DNAH17: variants seen among roughly 807,000 people sequenced by gnomAD.
DNAH17 encodes the protein axonemal beta dynein heavy chain 17.
DNAH17 carries 376 observed loss-of-function variants against 485.6 expected under a neutral mutation model. The observed-to-expected ratio is 0.77, with a 90% CI of 0.71 to 0.84. The LOEUF (loss-of-function observed/expected upper bound fraction) is 0.84. Ranked by LOEUF, DNAH17 falls within the 40% of genes least tolerant of loss-of-function variation. The pLI, the probability that DNAH17 is intolerant of heterozygous loss-of-function variation, is 0.00. For missense variants in DNAH17, 6,370 were observed against 5,839.3 expected (o/e 1.09, Z -2.96); for synonymous variants, 3,031 against 2,405.9 (o/e 1.26, Z -7.60).
At chr17:78,561,053 G>C (rs539378613) in intron 12 of DNAH17, 118 bp from the exon 13 acceptor site, 20 of 905,892 alleles carry the variant, frequency 2.2e-5, no homozygotes, top group Non-Finnish European at 3.3e-6. Context: ...CCAATTACTC[G>C]AGGCTCACAG....
chr17:78,525,212 C>G, intron 24 of DNAH17, 51 bp from the exon 25 acceptor site: 1 of 1,585,176 alleles, frequency 6.3e-7, no homozygotes, highest in Non-Finnish European at 8.6e-7. Flanking sequence ...TCAGCGGTGC[C>G]CCACCCCACT....
At chr17:78,540,315 C>T (rs1047549851) in intron 17 of DNAH17, among the ~76,000 whole-genome samples, 4 of 144,762 alleles carry the variant, frequency 2.8e-5, no homozygotes, top group African/African-American at 1.0e-4. Flanking sequence ...CAGCAGTAGG[C>T]CTAGCACAGA....
At chr17:78,528,854 C>G (rs535939124) in intron 22 of DNAH17, among the ~76,000 whole-genome samples, 2 of 152,280 alleles carry the variant, frequency 1.3e-5, no homozygotes, top group South Asian at 4.1e-4. Flanking sequence ...CCAGGGTCCC[C>G]CTGACCTTGT....
chr17:78,544,079 G>T, intron 16 of DNAH17, 82 bp from the exon 17 acceptor site: 2 of 1,586,916 alleles, frequency 1.3e-6, no homozygotes, highest in Non-Finnish European at 1.7e-6. Flanking sequence ...TGCTTTTGAT[G>T]TGAGTTTCGT....
chr17:78,480,323 T>C (rs1007042669), intron 49 of DNAH17, among the ~76,000 whole-genome samples: 2 of 152,078 alleles, frequency 1.3e-5, no homozygotes. Flanking sequence ...CACTCCAGCC[T>C]GGGTGACAGA....
Position 78,485,768 on chromosome 17 carries a change from G to A in DNAH17, c.7276-11C>T. The A allele has an allele frequency of 6.2e-7, 1 of 1,611,654 alleles. No individual in the cohort carries two copies. Among genetic ancestry groups the A allele is most frequent in the Non-Finnish European group, 8.5e-7 (1 of 1,178,312 alleles). On this transcript the variant is annotated splice_polypyrimidine_tract_variant and intron_variant, in intron 46 of 80. Transcript: ENST00000389840. ...GTGGACCAAAGAGGCCTGGGGCAGG[G>A]GAGGGAAGGGGAGGGAGCTGTGATT...
At position 78,492,785 on chromosome 17, in the gene DNAH17, C is replaced by G. The variant is rs2089917746; in HGVS notation, c.6409-20G>C. On this transcript the variant is annotated intron_variant, in intron 41 of 80. Coordinates refer to ENST00000389840, the MANE Select transcript of DNAH17 (RefSeq NM_173628.4). ...GAGGACCTGGCGAAGGTGGGGGTCA[C>G]TCACGTGTGACTCCATGTTCCTGGC... 1.9e-6 allele frequency: 3 copies of G among 1,607,674 alleles called. No individual in the cohort carries two copies. The highest frequency in any genetic ancestry group is 2.5e-6 in the Non-Finnish European group (3 of 1,176,770).
chr17:78,509,933 GC>G (rs2090588018), intron 27 of DNAH17, among the ~76,000 whole-genome samples: 1 of 152,226 alleles, frequency 6.6e-6, no homozygotes, highest in African/African-American at 2.4e-5. Context: ...TGTAATCCTA[GC>G]CCTTTGGGAG....
chr17:78,449,584 C>T lies in DNAH17; in HGVS notation c.11041G>A (p.Ala3681Thr). The part of the protein sequence containing the change: ...INPVYQFSLK[A>T]FNVVFEKAIQ... ...GCTTTCTCAAACACCACGTTGAAGG[C>T]CTGGGGATCCGCCACCGAGAGCCAT... The change falls in exon 69 of 81, where the codon GCC (alanine) becomes ACC (threonine). Residue 3681 changes from alanine to threonine, a missense_variant and splice_region_variant. Coordinates refer to ENST00000389840, the MANE Select transcript of DNAH17 (RefSeq NM_173628.4). The T allele has an allele frequency of 6.3e-7, 1 of 1,580,820 alleles. No homozygotes were observed. The highest frequency in any genetic ancestry group is 8.6e-7 in the Non-Finnish European group (1 of 1,161,126).
chr17:78,496,687 T>TTTG, intron 37 of DNAH17: 1 of 125,734 alleles, frequency 8.0e-6, no homozygotes, highest in Non-Finnish European at 1.7e-5. Context: ...TTTTTTTTTT[T>TTTG]TTAAGACTGA....
chr17:78,570,856 CAAA>C (rs60897530), intron 6 of DNAH17, 89 bp downstream of exon 6: 7,014 of 284,208 alleles, frequency 0.025, no homozygotes, highest in East Asian at 0.029. Context: ...GACTCCCTCT[CAAA>C]AAAAAAAAAA....
intron 31 of DNAH17, among the ~76,000 whole-genome samples, chr17:78,504,326 A>G (rs1473262604): frequency 6.6e-6 from 1 of 151,926 alleles, no homozygotes; most frequent in Non-Finnish European, 1.5e-5. Flanking sequence ...CGACCTCCCA[A>G]AGTGCTGGGA....
chr17:78,442,942 C>G (rs896921867), intron 71 of DNAH17, among the ~76,000 whole-genome samples: 8 of 152,240 alleles, frequency 5.3e-5, no homozygotes, highest in African/African-American at 1.9e-4. Context: ...ACGTCTGTTT[C>G]AATCTCCTTG....
chr17:78,574,082 A>G (rs371554752), intron 2 of DNAH17, among the ~76,000 whole-genome samples: 4 of 152,228 alleles, frequency 2.6e-5, no homozygotes, highest in East Asian at 1.9e-4. Flanking sequence ...GGCCATGGGC[A>G]GCAACCGTAC....
intron 37 of DNAH17, among the ~76,000 whole-genome samples, chr17:78,497,353 G>C (rs756041901): frequency 7.9e-5 from 12 of 152,098 alleles, no homozygotes; most frequent in Non-Finnish European, 1.5e-4. Context: ...GCCAAGTCCT[G>C]GTGCCCTGGT....
intron 21 of DNAH17, 23 bp from the exon 22 acceptor site, chr17:78,529,717 G>T: frequency 6.2e-7 from 1 of 1,611,302 alleles, no homozygotes; most frequent in South Asian, 1.1e-5. Flanking sequence ...GGGACCATTT[G>T]TGTGGCCCCA....
At chr17:78,468,045 AGAGT>A (rs1213189009) in intron 55 of DNAH17, among the ~76,000 whole-genome samples, 2 of 131,118 alleles carry the variant, frequency 1.5e-5, no homozygotes, top group South Asian at 2.7e-4. Context: ...AGAGAGAGAG[AGAGT>A]ATCAAGGTGC....
At position 78,535,570 on chromosome 17, in the gene DNAH17, C is replaced by T. The variant is rs147546583; in HGVS notation, c.2859+1729G>A. ...CACACGCACATCCCTCCCTCCTGGA[C>T]AGGACAGCTCATCTCGCTGTAAATA... On this transcript the variant is annotated intron_variant, in intron 19 of 80. Coordinates refer to ENST00000389840, the MANE Select transcript of DNAH17 (RefSeq NM_173628.4). Among the ~76,000 whole-genome samples the T allele has an allele frequency of 2.7e-3, 417 of 152,312 alleles. 1 individual carries two copies. Among genetic ancestry groups the T allele is most frequent in the Middle Eastern group, 0.01 (3 of 294 alleles).
intron 16 of DNAH17, among the ~76,000 whole-genome samples, chr17:78,547,619 T>G (rs1182126091): frequency 7.5e-4 from 5 of 6,634 alleles, no homozygotes; most frequent in Non-Finnish European, 1.6e-3. Context: ...TCATTACTAT[T>G]TTTTTTTTTT....
Sources: allele counts gnomAD v4.1 joint callset (sites outside exome capture counted in the v4.1 genomes callset), GRCh38; gene constraint gnomAD v4.1.1; transcripts MANE v1.5; gene names NCBI Gene and HGNC (gene_info 2026-07-23, HGNC 2026-07-21).